PDE8B: variants seen among roughly 807,000 people sequenced by gnomAD.
PDE8B encodes phosphodiesterase 8B, also known as high affinity cAMP-specific and IBMX-insensitive 3',5'-cyclic phosphodiesterase 8B.
A neutral mutation model predicts 101.3 loss-of-function variants in PDE8B; 26 were observed. The observed-to-expected ratio is 0.26, with a 90% CI of 0.19 to 0.36. The LOEUF (loss-of-function observed/expected upper bound fraction) is 0.36. Ranked by LOEUF, PDE8B falls within the 10% of genes least tolerant of loss-of-function variation. The pLI is 1.00. For synonymous variants in PDE8B, 424 were observed against 429.3 expected (o/e 0.99, Z 0.15); for missense variants, 810 against 1,163.1 (o/e 0.70, Z 4.42).
chr5:77,217,385 A>C (rs1408782758), intron 1 of PDE8B, among the ~76,000 whole-genome samples: 1 of 152,036 alleles, frequency 6.6e-6, no homozygotes, highest in Non-Finnish European at 1.5e-5. Flanking sequence ...GGATTTTGCT[A>C]TGTGCTTGTA....
chr5:77,211,311 C>T lies in PDE8B; in HGVS notation c.339+47C>T. 2 of 1,506,996 alleles carry T rather than the reference C, an allele frequency of 1.3e-6. No individual in the cohort carries two copies. Among genetic ancestry groups the T allele is most frequent in the South Asian group, 1.2e-5 (1 of 81,504 alleles). 93.4% of individuals were successfully genotyped at this position (1,506,996 alleles called of 1,614,324 possible). A position where few individuals can be genotyped will look rare whatever the true frequency, so the allele number is the denominator to read the frequency against. Reference sequence around the variant, plus strand: ...ACGCCGTGGGGGCCGTCCGCCCCGTCGGCGGGGCTCGCACGGGTAGGGGGC... The same window carrying T: ...ACGCCGTGGGGGCCGTCCGCCCCGTTGGCGGGGCTCGCACGGGTAGGGGGC... On this transcript the variant is annotated intron_variant, in intron 1 of 21. Transcript: ENST00000264917. The surrounding 1 kb of genome is among the most constrained non-coding windows in gnomAD (Gnocchi z 4.1).
At chr5:77,306,237 A>T (rs1320253946) in intron 1 of PDE8B, among the ~76,000 whole-genome samples, 1 of 152,182 alleles carries the variant, frequency 6.6e-6, no homozygotes, top group Non-Finnish European at 1.5e-5. Context: ...AGCATAATGG[A>T]AGAGCAGTGC....
intron 1 of PDE8B, among the ~76,000 whole-genome samples, chr5:77,229,607 A>G (rs986749649): frequency 6.6e-6 from 1 of 151,654 alleles, no homozygotes; most frequent in Non-Finnish European, 1.5e-5. Flanking sequence ...ACCCCTCCGC[A>G]CTCCTACCCC....
At chr5:77,140,029 G>A in the PDE8B span, 1 of 151,984 alleles carries the variant, frequency 6.6e-6, no homozygotes, top group Non-Finnish European at 1.5e-5. Context: ...CTCCCCTCTG[G>A]TGAAGATCTG....
the PDE8B span, chr5:77,144,989 C>G: frequency 6.6e-6 from 1 of 151,934 alleles, no homozygotes; most frequent in African/African-American, 2.4e-5. Flanking sequence ...ACTCCCTAAA[C>G]GACTAAAAAT....
intron 10 of PDE8B, among the ~76,000 whole-genome samples, chr5:77,365,403 A>G (rs1292774394): frequency 6.6e-6 from 1 of 152,114 alleles, no homozygotes; most frequent in Non-Finnish European, 1.5e-5. Flanking sequence ...GAGGGGGACA[A>G]GACTGATTTG....
the PDE8B span, among the ~76,000 whole-genome samples, chr5:77,128,409 T>C: frequency 1.3e-5 from 2 of 152,252 alleles, no homozygotes; most frequent in Non-Finnish European, 2.9e-5. Context: ...TTCTTAATCC[T>C]GTTCACCTAC....
intron 1 of PDE8B, among the ~76,000 whole-genome samples, chr5:77,227,583 A>G (rs1442524637): frequency 6.6e-6 from 1 of 152,154 alleles, no homozygotes; most frequent in African/African-American, 2.4e-5. Flanking sequence ...AGATGGAGAA[A>G]ATGATATAAA....
chr5:77,231,882 A>C (rs921020942), intron 1 of PDE8B, among the ~76,000 whole-genome samples: 1 of 152,218 alleles, frequency 6.6e-6, no homozygotes, highest in African/African-American at 2.4e-5. Context: ...GTGGGAAAGA[A>C]GTGACTTGAC....
At chr5:77,310,841 GAGA>G (rs1191310030) in intron 1 of PDE8B, among the ~76,000 whole-genome samples, 1 of 152,200 alleles carries the variant, frequency 6.6e-6, no homozygotes, top group Admixed American at 6.5e-5. Flanking sequence ...GCCTACAGAG[GAGA>G]AGAAGACTGG....
chr5:77,244,526 T>C (rs1561404964), intron 1 of PDE8B, among the ~76,000 whole-genome samples: 1 of 151,680 alleles, frequency 6.6e-6, no homozygotes, highest in South Asian at 2.1e-4. Context: ...AATACATCTG[T>C]TGGGAGTGGC....
the PDE8B span, among the ~76,000 whole-genome samples, chr5:77,116,886 A>T: frequency 1.3e-5 from 2 of 152,126 alleles, no homozygotes; most frequent in African/African-American, 4.8e-5. Flanking sequence ...ACCCTCTTCA[A>T]TTCCCCCATC....
At chr5:77,390,485 A>G (rs1014130932) in intron 10 of PDE8B, among the ~76,000 whole-genome samples, 1 of 152,254 alleles carries the variant, frequency 6.6e-6, no homozygotes, top group East Asian at 1.9e-4. Context: ...CACAAAATCA[A>G]ACTTCCCAGT....
intron 1 of PDE8B, among the ~76,000 whole-genome samples, chr5:77,220,074 A>G (rs551291904): frequency 2.4e-4 from 37 of 152,226 alleles, no homozygotes; most frequent in African/African-American, 7.9e-4. Context: ...TCCCACATCT[A>G]TAATGCTGGG....
chr5:77,356,983 A>G (rs1299089010), intron 10 of PDE8B, among the ~76,000 whole-genome samples: 1 of 152,196 alleles, frequency 6.6e-6, no homozygotes, highest in Non-Finnish European at 1.5e-5. Flanking sequence ...AGGAAAAGAT[A>G]CTGTAACCAG....
chr5:77,268,522 A>G (rs545283754), intron 1 of PDE8B, among the ~76,000 whole-genome samples: 2 of 149,306 alleles, frequency 1.3e-5, no homozygotes, highest in Non-Finnish European at 3.0e-5. Context: ...CTACTCTTCC[A>G]AGCTTCTGAT....
the PDE8B span, among the ~76,000 whole-genome samples, chr5:77,100,570 G>A: frequency 1.3e-5 from 2 of 152,298 alleles, no homozygotes; most frequent in African/African-American, 2.4e-5. Context: ...AGACAGATCC[G>A]GTGGGAGGGG....
intron 5 of PDE8B, among the ~76,000 whole-genome samples, chr5:77,332,875 A>G (rs1201184411): frequency 6.6e-6 from 1 of 151,228 alleles, no homozygotes; most frequent in African/African-American, 2.4e-5. Flanking sequence ...AATCCCAAGT[A>G]GGTGGAGTGA....
chr5:77,099,759 G>A, the PDE8B span, among the ~76,000 whole-genome samples: 5 of 151,986 alleles, frequency 3.3e-5, no homozygotes, highest in Admixed American at 2.0e-4. Flanking sequence ...ATAGGTGCAC[G>A]TCACCACACC....
Sources: gnomAD v4.1 joint callset for allele counts (sites outside exome capture counted in the v4.1 genomes callset) on GRCh38, gnomAD v4.1.1 for gene constraint, Gnocchi (gnomAD v3.1) non-coding constraint, MANE v1.5 for transcripts, NCBI Gene and HGNC (gene_info 2026-07-23, HGNC 2026-07-21) for gene names.